The following CRACDL variants were observed in gnomAD, a reference collection of about 807,000 sequenced individuals.
CRACDL encodes the protein CRACD like.
CRACDL carries 26 observed loss-of-function variants against 70.6 expected under a neutral mutation model. That is an observed-to-expected ratio of 0.37 (90% CI 0.27 to 0.51). CRACDL has a LOEUF of 0.51. CRACDL is among the 20% of genes least tolerant of loss of function. The probability of loss-of-function intolerance (pLI) is 0.94; values close to 1 mark genes in which losing one functional copy is unlikely to be tolerated. For missense variants in CRACDL, 1,283 were observed against 1,376.9 expected, an observed-to-expected ratio of 0.93 and a Z score of 1.08; for synonymous variants, 618 against 615.2, an observed-to-expected ratio of 1.00 and a Z score of -0.07.
chr2:98,799,028 G>A (rs1194356384), intron 7 of CRACDL, among the ~76,000 whole-genome samples: 1 of 152,080 alleles, frequency 6.6e-6, no homozygotes, highest in African/African-American at 2.4e-5. Flanking sequence ...AGAACCCAAG[G>A]TTCCCCATGA....
intron 1 of CRACDL, among the ~76,000 whole-genome samples, chr2:98,914,945 G>T (rs1573194088): frequency 6.6e-6 from 1 of 152,360 alleles, no homozygotes; most frequent in African/African-American, 2.4e-5. Flanking sequence ...GATGCTGTTT[G>T]CAGTTGGAGG....
chr2:98,861,384 A>T (rs941067676), intron 1 of CRACDL, among the ~76,000 whole-genome samples: 1 of 152,178 alleles, frequency 6.6e-6, no homozygotes, highest in Non-Finnish European at 1.5e-5. Context: ...GTGAGTTACT[A>T]CTTCATACTC....
intron 7 of CRACDL, among the ~76,000 whole-genome samples, chr2:98,802,927 G>A (rs1211297153): frequency 6.6e-6 from 1 of 151,706 alleles, no homozygotes; most frequent in African/African-American, 2.4e-5. Context: ...GGTACATGGT[G>A]TCCTTTCTGA....
intron 1 of CRACDL, among the ~76,000 whole-genome samples, chr2:98,888,549 G>A (rs980960532): frequency 1.3e-5 from 2 of 152,102 alleles, no homozygotes; most frequent in African/African-American, 4.8e-5. Flanking sequence ...GAATTAAAAT[G>A]GTACACTAGA....
At chr2:98,892,615 A>G (rs971566509) in intron 1 of CRACDL, among the ~76,000 whole-genome samples, 1 of 152,050 alleles carries the variant, frequency 6.6e-6, no homozygotes, top group South Asian at 2.1e-4. Flanking sequence ...GCTTTAACCC[A>G]GAAGGCAGAG....
chr2:98,837,109 C>G (rs565689283), intron 3 of CRACDL, among the ~76,000 whole-genome samples: 2 of 148,702 alleles, frequency 1.3e-5, no homozygotes, highest in African/African-American at 5.0e-5. Flanking sequence ...AATGCATGCA[C>G]AGTATATCCC....
At chr2:98,795,976 G>T in intron 9 of CRACDL, 144 bp downstream of exon 9, 1 of 761,306 alleles carries the variant, frequency 1.3e-6, no homozygotes, top group Admixed American at 2.0e-5. Flanking sequence ...TTTATGACAC[G>T]TAAATTGTAT....
At chr2:98,798,777 C>T (rs189582543) in intron 7 of CRACDL, among the ~76,000 whole-genome samples, 21 of 152,082 alleles carry the variant, frequency 1.4e-4, no homozygotes, top group Admixed American at 3.9e-4. Context: ...CTGCACCCTC[C>T]GCCTACCAGG....
intron 2 of CRACDL, among the ~76,000 whole-genome samples, chr2:98,839,960 GT>G (rs1417365370): frequency 1.3e-5 from 2 of 151,964 alleles, no homozygotes; most frequent in Admixed American, 1.3e-4. Flanking sequence ...CCTTAAAAAA[GT>G]TTTGCTTTGT....
At chr2:98,913,315 G>A (rs1164748807) in intron 1 of CRACDL, among the ~76,000 whole-genome samples, 1 of 152,146 alleles carries the variant, frequency 6.6e-6, no homozygotes, top group Non-Finnish European at 1.5e-5. Context: ...AGCCACATGA[G>A]AACGGTCACC....
At chr2:98,850,193 C>T (rs1170492681) in intron 1 of CRACDL, among the ~76,000 whole-genome samples, 2 of 152,216 alleles carry the variant, frequency 1.3e-5, no homozygotes, top group Admixed American at 1.3e-4. Flanking sequence ...TCCTGATCCC[C>T]ACCGCCCAAT....
At chr2:98,893,242 A>G (rs1055795527) in intron 1 of CRACDL, among the ~76,000 whole-genome samples, 8 of 152,142 alleles carry the variant, frequency 5.3e-5, no homozygotes, top group African/African-American at 1.7e-4. Flanking sequence ...TCATGGGACA[A>G]GGAGCTGTCT....
At chr2:98,828,624 C>A (rs1705414386) in intron 5 of CRACDL, among the ~76,000 whole-genome samples, 1 of 152,170 alleles carries the variant, frequency 6.6e-6, no homozygotes, top group African/African-American at 2.4e-5. Context: ...GAGGAACAAC[C>A]TCTTCTTGTT....
chr2:98,872,628 T>G (rs929103431), intron 1 of CRACDL, among the ~76,000 whole-genome samples: 1 of 152,198 alleles, frequency 6.6e-6, no homozygotes, highest in African/African-American at 2.4e-5. Context: ...AAAGTGAGAA[T>G]GTATCCCCGT....
In CRACDL at chr2:98,821,972, A is replaced by T; in HGVS notation, c.2301T>A (p.Leu767=). The T allele has an allele frequency of 6.5e-7, 1 of 1,534,398 alleles. No homozygotes were observed. The highest frequency in any genetic ancestry group is 8.8e-7 in the Non-Finnish European group (1 of 1,141,534). Residue 767 remains leucine (L), a synonymous_variant, in exon 7 of 10, where the codon CTT becomes CTA. Coordinates refer to ENST00000397899, the MANE Select transcript of CRACDL (RefSeq NM_207362.3). ...GGTGCGGGAGCGTGAAGCTCTGCAG[A>T]AGCGGCTTCCGGGGCAGGGGCGGCT... ...SSKPPLPRKP[L]LQSFTLPHQP...
In CRACDL at chr2:98,823,493, C is replaced by T. The variant is rs1195861741; in HGVS notation, c.780G>A (p.Glu260=). Residue 260 remains glutamate (E), a synonymous_variant, in exon 7 of 10, where the codon GAG becomes GAA. Coordinates refer to ENST00000397899, the MANE Select transcript of CRACDL (RefSeq NM_207362.3). This position sits in a 1 kb window ranked among gnomAD's most constrained non-coding sequence, Gnocchi z 4.0. ...GTGGCTTCTCCTCGTTTTCCTCCTC[C>T]TCTGGGGTGCACGTCAGGTCGCTCA... The part of the protein sequence containing the change: ...ESLSDLTCTP[E]EEENEEKPLL... 2 of 1,594,136 alleles carry T rather than the reference C, an allele frequency of 1.3e-6. No homozygotes were observed. Among genetic ancestry groups the T allele is most frequent in the East Asian group, 4.5e-5 (2 of 44,622 alleles).
At chr2:98,869,108 GCAGC>G (rs1449217406) in intron 1 of CRACDL, 2 of 1,304,324 alleles carry the variant, frequency 1.5e-6, no homozygotes, top group Non-Finnish European at 2.0e-6. Flanking sequence ...CTGGTAAAAG[GCAGC>G]CATCCTCCTG....
intron 1 of CRACDL, among the ~76,000 whole-genome samples, chr2:98,892,605 G>A (rs552472954): frequency 5.3e-5 from 8 of 151,890 alleles, no homozygotes; most frequent in South Asian, 2.1e-4. Context: ...CAGGAGAATC[G>A]CTTTAACCCA....
chr2:98,897,284 G>A (rs554572320), intron 1 of CRACDL: 37 of 711,988 alleles, frequency 5.2e-5, no homozygotes, highest in African/African-American at 2.0e-4. Context: ...TGCATGTACC[G>A]GTGGTTTGTT....
Sources: gnomAD v4.1 joint callset for allele counts (sites outside exome capture counted in the v4.1 genomes callset) on GRCh38, gnomAD v4.1.1 for gene constraint, Gnocchi (gnomAD v3.1) non-coding constraint, MANE v1.5 for transcripts, NCBI Gene and HGNC (gene_info 2026-07-23, HGNC 2026-07-21) for gene names.